The following RPS6KC1 variants were observed in gnomAD, a reference collection of about 807,000 sequenced individuals.
The protein encoded by RPS6KC1 is ribosomal protein S6 kinase C1.
RPS6KC1 carries 54 observed loss-of-function variants against 103.8 expected under a neutral mutation model. The observed-to-expected ratio is 0.52, with a 90% CI of 0.42 to 0.65. The LOEUF is 0.65. Ranked by LOEUF, RPS6KC1 falls within the 30% of genes least tolerant of loss-of-function variation. The pLI is 0.00. For synonymous variants in RPS6KC1, 439 were observed against 438.7 expected (o/e 1.00, Z -0.01); for missense variants, 1,151 against 1,253.8 (o/e 0.92, Z 1.24).
intron 6 of RPS6KC1, among the ~76,000 whole-genome samples, chr1:213,146,089 A>ATT (rs200586355): frequency 2.7e-3 from 349 of 129,912 alleles, no homozygotes; most frequent in Middle Eastern, 4.0e-3. Flanking sequence ...TCATGAATTC[A>ATT]TTTTTTTTTT....
chr1:213,555,942 G>A, the RPS6KC1 span, among the ~76,000 whole-genome samples: 8 of 152,206 alleles, frequency 5.3e-5, no homozygotes, highest in Non-Finnish European at 1.2e-4. Flanking sequence ...AATGGGGTAT[G>A]AGACTCCATG....
At chr1:213,192,809 T>C (rs1361962305) in intron 8 of RPS6KC1, among the ~76,000 whole-genome samples, 1 of 152,188 alleles carries the variant, frequency 6.6e-6, no homozygotes, top group Non-Finnish European at 1.5e-5. Context: ...ATTTTTCTTT[T>C]ATTTTTGATG....
the RPS6KC1 span, among the ~76,000 whole-genome samples, chr1:213,664,580 C>G: frequency 1.3e-5 from 2 of 152,216 alleles, no homozygotes; most frequent in Admixed American, 1.3e-4. Context: ...TGGCCCAACT[C>G]TTGTTCATCA....
chr1:213,363,666 CTTTCTTTCTTTCTT>C, the RPS6KC1 span, among the ~76,000 whole-genome samples: 1 of 100,218 alleles, frequency 1.0e-5, no homozygotes, highest in South Asian at 3.0e-4. Flanking sequence ...TTCTTTCTTT[CTTTCTTTCTTTCTT>C]TCTTTCTTTC....
chr1:213,346,142 C>T, the RPS6KC1 span, among the ~76,000 whole-genome samples: 1 of 152,188 alleles, frequency 6.6e-6, no homozygotes, highest in Non-Finnish European at 1.5e-5. Context: ...CCAATTTCCT[C>T]AATTTTTGCC....
At chr1:213,642,589 C>A in the RPS6KC1 span, among the ~76,000 whole-genome samples, 2 of 151,772 alleles carry the variant, frequency 1.3e-5, no homozygotes, top group Non-Finnish European at 2.9e-5. Flanking sequence ...GAATATCAAG[C>A]CTTTGATTAT....
the RPS6KC1 span, among the ~76,000 whole-genome samples, chr1:213,499,096 A>G: frequency 1.3e-5 from 2 of 152,164 alleles, no homozygotes; most frequent in South Asian, 4.1e-4. Flanking sequence ...ATTCTTTTAT[A>G]TCAACATTCA....
At chr1:213,568,033 C>T in the RPS6KC1 span, among the ~76,000 whole-genome samples, 5 of 152,290 alleles carry the variant, frequency 3.3e-5, no homozygotes, top group South Asian at 8.3e-4. Context: ...CATATGGGAC[C>T]ACTCCCAAGT....
At chr1:213,846,128 T>TAAAAAAAAA in the RPS6KC1 span, among the ~76,000 whole-genome samples, 2 of 82,852 alleles carry the variant, frequency 2.4e-5, no homozygotes, top group Non-Finnish European at 5.0e-5. Context: ...CCGTCTCAAC[T>TAAAAAAAAA]AAAAAAAAAA....
At chr1:213,234,584 A>G (rs930309814) in intron 10 of RPS6KC1, among the ~76,000 whole-genome samples, 1 of 152,192 alleles carries the variant, frequency 6.6e-6, no homozygotes, top group African/African-American at 2.4e-5. Flanking sequence ...TGACCAAGAA[A>G]GGTATCATTT....
chr1:213,774,232 A>G, the RPS6KC1 span, among the ~76,000 whole-genome samples: 2 of 152,208 alleles, frequency 1.3e-5, no homozygotes, highest in Admixed American at 6.5e-5. Flanking sequence ...GTTGTGGTAA[A>G]TTGGTTACAG....
the RPS6KC1 span, among the ~76,000 whole-genome samples, chr1:213,785,923 G>A: frequency 1.7e-4 from 26 of 152,234 alleles, no homozygotes; most frequent in South Asian, 1.2e-3. Context: ...TGCTATTATG[G>A]AGGGAATAAA....
chr1:213,570,953 T>C, the RPS6KC1 span, among the ~76,000 whole-genome samples: 1 of 152,328 alleles, frequency 6.6e-6, no homozygotes, highest in East Asian at 1.9e-4. Context: ...GTTAAAATAA[T>C]GTCATACTCT....
chr1:213,809,978 G>C, the RPS6KC1 span, among the ~76,000 whole-genome samples: 5 of 152,298 alleles, frequency 3.3e-5, no homozygotes, highest in Non-Finnish European at 7.4e-5. Context: ...CTTGAGTTAT[G>C]GATATTGGTG....
the RPS6KC1 span, among the ~76,000 whole-genome samples, chr1:213,559,416 C>T: frequency 6.6e-6 from 1 of 152,108 alleles, no homozygotes; most frequent in African/African-American, 2.4e-5. Context: ...AGTGTGACTG[C>T]GAGGGCCACA....
At chr1:213,786,232 TA>T in the RPS6KC1 span, among the ~76,000 whole-genome samples, 1 of 152,278 alleles carries the variant, frequency 6.6e-6, no homozygotes, top group African/African-American at 2.4e-5. Flanking sequence ...TCTTGAGGTA[TA>T]AAAAGATTTG....
the RPS6KC1 span, among the ~76,000 whole-genome samples, chr1:213,435,813 A>G: frequency 6.6e-6 from 1 of 152,160 alleles, no homozygotes; most frequent in Admixed American, 6.5e-5. Flanking sequence ...GTGCAGATCT[A>G]CAGAGTTTTC....
At chr1:213,690,116 G>A in the RPS6KC1 span, among the ~76,000 whole-genome samples, 1 of 152,138 alleles carries the variant, frequency 6.6e-6, no homozygotes, top group South Asian at 2.1e-4. Context: ...TGGTTTGAAT[G>A]GCTCATATTT....
the RPS6KC1 span, among the ~76,000 whole-genome samples, chr1:213,408,619 T>C: frequency 2.1e-4 from 32 of 152,342 alleles, no homozygotes; most frequent in African/African-American, 6.5e-4. Context: ...TTCCAGCTTC[T>C]TGACCTTACC....
Sources: allele counts gnomAD v4.1 joint callset (sites outside exome capture counted in the v4.1 genomes callset), GRCh38; gene constraint gnomAD v4.1.1; transcripts MANE v1.5; gene names NCBI Gene and HGNC (gene_info 2026-07-23, HGNC 2026-07-21).